The following TPM1 variants were observed in gnomAD, a reference collection of about 807,000 sequenced individuals.
The protein encoded by TPM1 is tropomyosin alpha-1 chain.
In TPM1, 24 loss-of-function variants were observed where a neutral mutation model predicts 42.9. The ratio of observed to expected loss-of-function variants is 0.56; its 90% CI spans 0.41 to 0.79. The LOEUF (loss-of-function observed/expected upper bound fraction) is 0.79, where lower values mean the gene tolerates loss of function less well. TPM1 is among the 30% of genes least tolerant of loss of function. The pLI, the probability that TPM1 is intolerant of heterozygous loss-of-function variation, is 0.00. For missense variants in TPM1, 158 were observed against 351.8 expected (o/e 0.45, Z 4.41); for synonymous variants, 136 against 130.1 (o/e 1.05, Z -0.31).
At chr15:63,058,870 T>C (rs573705170) in intron 3 of TPM1, among the ~76,000 whole-genome samples, 57 of 152,332 alleles carry the variant, frequency 3.7e-4, no homozygotes, top group African/African-American at 1.3e-3. Context: ...GACCCTAATA[T>C]ACACCATGCC....
intron 2 of TPM1, chr15:63,048,810 T>C: frequency 1.4e-6 from 2 of 1,454,536 alleles, no homozygotes; most frequent in Non-Finnish European, 9.3e-7. Flanking sequence ...CGGTCCCTCG[T>C]CCCCACGCCT....
chr15:63,042,937 C>A lies in TPM1; in HGVS notation c.108C>A (p.Ser36Arg). The A allele has an allele frequency of 6.3e-7, 1 of 1,598,952 alleles. No individual in the cohort carries two copies. Among genetic ancestry groups the A allele is most frequent in the Non-Finnish European group, 8.5e-7 (1 of 1,172,918 alleles). ...ACAAGAAGGCGGCGGAAGACAGGAG[C>A]AAGCAGGTCTGCGCCTCCCCGGCCC... ...EADKKAAEDR[S>R]KQLEDELVSL... Residue 36 changes from serine to arginine, a missense_variant, in exon 1 of 10, where the codon AGC becomes AGA. Transcript: ENST00000403994.
At chr15:63,069,213 G>C (rs1049100802), downstream of TPM1, among the ~76,000 whole-genome samples, 1 of 152,180 alleles carries the variant, frequency 6.6e-6, no homozygotes, top group African/African-American at 2.4e-5. Context: ...ACAAGTGCTT[G>C]TTCTTTTGCT....
At position 63,042,915 on chromosome 15, in the gene TPM1, A is replaced by G. The variant is rs2140596080; in HGVS notation, c.86A>G (p.Lys29Arg). ...LDRAEQAEAD[K>R]KAAEDRSKQL... is the part of the protein sequence containing the mutation. Reference sequence around the variant, plus strand: ...CGAGCTGAGCAGGCGGAGGCCGACAAGAAGGCGGCGGAAGACAGGAGCAAG... The same window carrying G: ...CGAGCTGAGCAGGCGGAGGCCGACAGGAAGGCGGCGGAAGACAGGAGCAAG... The change falls in exon 1 of 10, where the codon AAG (lysine) becomes AGG (arginine). Residue 29 changes from lysine (K) to arginine (R), a missense_variant. Transcript: ENST00000403994. The G allele has an allele frequency of 6.2e-7, 1 of 1,607,686 alleles. No homozygotes were observed. The highest frequency in any genetic ancestry group is 8.5e-7 in the Non-Finnish European group (1 of 1,177,156).
chr15:63,047,720 T>G (rs2032706044), intron 2 of TPM1: 1 of 152,512 alleles, frequency 6.6e-6, no homozygotes, highest in Non-Finnish European at 1.5e-5. Flanking sequence ...GCTTGTGTAT[T>G]TCTTAATCGT....
chr15:63,069,747 A>T (rs1595696504), downstream of TPM1: 1 of 1,233,252 alleles, frequency 8.1e-7, no homozygotes, highest in East Asian at 2.4e-5. Flanking sequence ...ACTGCTCAGC[A>T]AGTGACCAGT....
chr15:63,048,176 C>T (rs1290481410), intron 2 of TPM1: 7 of 452,600 alleles, frequency 1.5e-5, no homozygotes, highest in Non-Finnish European at 1.8e-5. Context: ...AGCTCCGTTA[C>T]CCCGGGTCAC....
exon 9 of TPM1, chr15:63,071,898 T>A (rs919642169): frequency 5.2e-5 from 8 of 152,758 alleles, no homozygotes; most frequent in Non-Finnish European, 7.3e-5. Flanking sequence ...AAATGCACAT[T>A]GTAGGACATT....
At chr15:63,047,541 C>T (rs545074146) in intron 2 of TPM1, 1 of 152,308 alleles carries the variant, frequency 6.6e-6, no homozygotes, top group Admixed American at 6.5e-5. Context: ...CCCAGTCCAG[C>T]CCAGGACTGA....
intron 4 of TPM1, among the ~76,000 whole-genome samples, chr15:63,060,356 C>G (rs2035449818): frequency 6.6e-6 from 1 of 152,196 alleles, no homozygotes; most frequent in South Asian, 2.1e-4. Context: ...CCCTTCCTCT[C>G]TCTGGTTCTT....
At chr15:63,070,369 T>C (rs1165942651), downstream of TPM1, 4 of 999,378 alleles carry the variant, frequency 4.0e-6, no homozygotes, top group African/African-American at 5.2e-5. Flanking sequence ...CTTCTAAATA[T>C]CTGGTATAGT....
chr15:63,048,735 C>A, intron 2 of TPM1: 1 of 1,525,928 alleles, frequency 6.6e-7, no homozygotes, highest in South Asian at 1.2e-5. Context: ...CACCCCGCAG[C>A]CCCCAGAGGC....
At position 63,060,881 on chromosome 15, in the gene TPM1, C is replaced by T. The variant is rs1351394245; in HGVS notation, c.505C>T (p.Leu169=). 6.2e-7 allele frequency: 1 copy of T among 1,614,210 alleles called. No individual in the cohort carries two copies. Among genetic ancestry groups the T allele is most frequent in the South Asian group, 1.1e-5 (1 of 91,086 alleles). ...CTTCCTGCTGCAGGTGGCCCGTAAG[C>T]TGGTCATCATTGAGAGCGACCTGGA... ...DRKYEEVARK[L]VIIESDLERA... Residue 169 remains leucine, a synonymous_variant, in exon 5 of 10, where the codon CTG becomes TTG. Transcript: ENST00000403994.
intron 2 of TPM1, chr15:63,056,649 A>C: frequency 3.0e-6 from 1 of 335,436 alleles, no homozygotes; most frequent in African/African-American, 2.2e-5. Context: ...CCTGGGTGAT[A>C]GAGCGAGACC....
At chr15:63,043,062 C>A in intron 1 of TPM1, 119 bp downstream of exon 1, 1 of 819,586 alleles carries the variant, frequency 1.2e-6, no homozygotes, top group South Asian at 1.5e-5. Context: ...CACCACCACC[C>A]AGGGCGGCCA....
chr15:63,069,906 T>C, downstream of TPM1: 1 of 1,614,092 alleles, frequency 6.2e-7, no homozygotes, highest in Non-Finnish European at 8.5e-7. Context: ...AATCGCCGCC[T>C]CACTAATGAA....
chr15:63,052,157 T>C (rs1400869160), intron 2 of TPM1, among the ~76,000 whole-genome samples: 8 of 152,122 alleles, frequency 5.3e-5, no homozygotes, highest in Non-Finnish European at 1.2e-4. Context: ...AATAGCACTT[T>C]TGAAATAAAA....
At position 63,065,954 on chromosome 15, in the gene TPM1, C is replaced by G; in HGVS notation, c.*55C>G. On this transcript the variant is annotated 3_prime_UTR_variant, in exon 10 of 10. Transcript: ENST00000403994. ...CCTCGTCGAGCTGGATGTCCCACCT[C>G]TCTGAGCTCTGCATTTGTCTATTCT... is the stretch of plus-strand genomic sequence containing the variant. 1.2e-6 allele frequency: 2 copies of G among 1,600,646 alleles called. No homozygotes were observed. The highest frequency in any genetic ancestry group is 1.7e-6 in the Non-Finnish European group (2 of 1,173,276).
chr15:63,069,468 C>A (rs899098799), downstream of TPM1, among the ~76,000 whole-genome samples: 1 of 152,112 alleles, frequency 6.6e-6, no homozygotes, highest in Admixed American at 6.5e-5. Flanking sequence ...AACACTGAGC[C>A]CTAGCAAGGG....
Sources: allele counts gnomAD v4.1 joint callset (sites outside exome capture counted in the v4.1 genomes callset), GRCh38; gene constraint gnomAD v4.1.1; transcripts MANE v1.5; gene names NCBI Gene and HGNC (gene_info 2026-07-23, HGNC 2026-07-21).